The following PRMT8 variants were observed in gnomAD, a reference collection of about 807,000 sequenced individuals.
The protein encoded by PRMT8 is protein arginine N-methyltransferase 8.
In PRMT8, 7 loss-of-function variants were observed where a neutral mutation model predicts 47.1. The observed-to-expected ratio is 0.15, with a 90% CI of 0.08 to 0.28. PRMT8 has a LOEUF of 0.28. Ranked by LOEUF, PRMT8 falls within the 10% of genes least tolerant of loss-of-function variation. The probability of loss-of-function intolerance (pLI) is 1.00; values close to 1 mark genes in which losing one functional copy is unlikely to be tolerated. For missense variants in PRMT8, 237 were observed against 505.4 expected (o/e 0.47, Z 5.09); for synonymous variants, 188 against 186.5 (o/e 1.01, Z -0.07).
At chr12:3,517,319 T>G (rs931082177) in intron 1 of PRMT8, among the ~76,000 whole-genome samples, 17 of 152,154 alleles carry the variant, frequency 1.1e-4, no homozygotes, top group Admixed American at 1.3e-4. Flanking sequence ...CGTACAGAGA[T>G]CTCTGTGCCC....
Position 3,480,796 on chromosome 12 carries a change from C to G in PRMT8, c.49-59810C>G, listed in dbSNP as rs1865267099. On this transcript the variant is annotated intron_variant, in intron 1 of 9. Transcript: ENST00000452611. ...TTCCACCCCCAAAATCATGCTCACA[C>G]CAGCCTGTAACTGGTGCTTGACCTC... is the stretch of plus-strand genomic sequence containing the variant. Among the ~76,000 whole-genome samples the G allele has an allele frequency of 2.0e-5, 3 of 152,328 alleles. No individual in the cohort carries two copies. In the South Asian group the frequency reaches 6.2e-4, roughly 32 times the overall value.
At position 3,552,812 on chromosome 12, in the gene PRMT8, C is replaced by T. The variant is rs1471959537; in HGVS notation, c.418-839C>T. ...TCCCTGCCCGAGGCCTGGGGGTAGT[C>T]TGAGGGGCCCCCAAGTGTGGAGGTG... On this transcript the variant is annotated intron_variant, in intron 3 of 9. Coordinates refer to ENST00000382622, the MANE Select transcript of PRMT8 (RefSeq NM_019854.5). This position sits in a 1 kb window ranked among gnomAD's most constrained non-coding sequence, Gnocchi z 4.5. The T allele has an allele frequency of 1.1e-5, 5 of 460,696 alleles. No homozygotes were observed. Among genetic ancestry groups the T allele is most frequent in the Non-Finnish European group, 2.2e-5 (5 of 229,282 alleles). 28.5% of individuals were successfully genotyped at this position (460,696 alleles called of 1,614,324 possible).
chr12:3,559,282 A>G (rs1238516449), intron 4 of PRMT8, among the ~76,000 whole-genome samples: 1 of 152,050 alleles, frequency 6.6e-6, no homozygotes, highest in Non-Finnish European at 1.5e-5. Flanking sequence ...AAGACATTCC[A>G]GGCTTGTCTT....
chr12:3,471,280 C>G (rs112162015), intron 1 of PRMT8, among the ~76,000 whole-genome samples: 12,519 of 152,114 alleles, frequency 0.082, 566 homozygotes, highest in Non-Finnish European at 0.1. Flanking sequence ...GTGGCTTGCT[C>G]TGCTCCCAGC....
In PRMT8 at chr12:3,540,665, C is replaced by T. The variant is rs756751414; in HGVS notation, c.135C>T (p.Cys45=). 16 of 1,417,292 alleles carry T rather than the reference C, an allele frequency of 1.1e-5. No individual in the cohort carries two copies. Among genetic ancestry groups the T allele is most frequent in the South Asian group, 4.5e-5 (4 of 88,378 alleles). 87.8% of individuals were successfully genotyped at this position (1,417,292 alleles called of 1,614,324 possible). A position where few individuals can be genotyped will look rare whatever the true frequency, so the allele number is the denominator to read the frequency against. The change falls in exon 2 of 10, where the codon TGC becomes TGT. Residue 45 remains cysteine, a synonymous_variant. Transcript: ENST00000382622. ...TCGTCCCTGCTAAGCCCGTGCAATG[C>T]GTCCATCATGTGTCCACTCAACCCA... is the stretch of plus-strand genomic sequence containing the variant. The part of the protein sequence containing the change: ...QPVVPAKPVQ[C]VHHVSTQPSC...
At chr12:3,481,975 T>G (rs1022868659) in intron 1 of PRMT8, among the ~76,000 whole-genome samples, 1 of 152,114 alleles carries the variant, frequency 6.6e-6, no homozygotes, top group African/African-American at 2.4e-5. Context: ...TGCAAAAGGA[T>G]AGTGATGAGA....
chr12:3,477,965 C>T (rs1249248022), intron 1 of PRMT8, among the ~76,000 whole-genome samples: 3 of 152,120 alleles, frequency 2.0e-5, no homozygotes, highest in Admixed American at 1.3e-4. Flanking sequence ...ATCACAGTAG[C>T]TGGATGTAAC....
At position 3,550,847 on chromosome 12, in the gene PRMT8, G is replaced by C. The variant is rs1169097091; in HGVS notation, c.417+756G>C. The C allele has an allele frequency of 6.6e-6, 1 of 152,224 alleles. No homozygotes were observed. Among genetic ancestry groups the C allele is most frequent in the Non-Finnish European group, 1.5e-5 (1 of 68,046 alleles). The allele number at this position is 152,224 out of a possible 1,614,324, so 9.4% of individuals were successfully genotyped here. A position where few individuals can be genotyped will look rare whatever the true frequency, so the allele number is the denominator to read the frequency against. On this transcript the variant is annotated intron_variant, in intron 3 of 9. Transcript: ENST00000382622. This position sits in a 1 kb window ranked among gnomAD's most constrained non-coding sequence, Gnocchi z 5.1. ...GCCTGGGAAGGTCCAGAGCTGGAAAGAAACTAAAAAGAAGAGCTGCGAGAT... is the reference window on the plus strand; with the variant it reads ...GCCTGGGAAGGTCCAGAGCTGGAAACAAACTAAAAAGAAGAGCTGCGAGAT...
chr12:3,582,130 C>T (rs958446188), intron 7 of PRMT8, among the ~76,000 whole-genome samples: 3 of 152,180 alleles, frequency 2.0e-5, no homozygotes, highest in Admixed American at 6.5e-5. Context: ...CTTCCTTGGG[C>T]CTCACTAGAA....
chr12:3,464,766 A>G (rs1865075300), intron 1 of PRMT8, among the ~76,000 whole-genome samples: 1 of 152,180 alleles, frequency 6.6e-6, no homozygotes. Context: ...GTATCAACCA[A>G]TCAGAACTAA....
intron 1 of PRMT8, among the ~76,000 whole-genome samples, chr12:3,398,066 C>G (rs1304127790): frequency 1.3e-5 from 2 of 152,120 alleles, no homozygotes; most frequent in East Asian, 3.9e-4. Flanking sequence ...TGCTTCGGCT[C>G]GCGCACGGTG....
intron 1 of PRMT8, among the ~76,000 whole-genome samples, chr12:3,447,600 C>T (rs1281714223): frequency 6.6e-6 from 1 of 152,160 alleles, no homozygotes; most frequent in Non-Finnish European, 1.5e-5. Flanking sequence ...ATCTCTAACC[C>T]AAGCCCCTGC....
At chr12:3,397,494 C>T (rs532966236) in intron 1 of PRMT8, among the ~76,000 whole-genome samples, 6 of 150,694 alleles carry the variant, frequency 4.0e-5, no homozygotes, top group Non-Finnish European at 7.4e-5. Context: ...TCTGCCCCTG[C>T]TGGGGGGTGC....
rs1481112082 is a variant in PRMT8 at position 3,576,542 on chromosome 12, GGAAGGAAGAGT to G, written c.713-328_713-318del. Among the ~76,000 whole-genome samples, 193 of 152,254 alleles carry G rather than the reference GGAAGGAAGAGT, an allele frequency of 1.3e-3. 1 individual carries two copies. The highest frequency in any genetic ancestry group is 4.4e-3 in the African/African-American group (183 of 41,546). On this transcript the variant is annotated intron_variant, in intron 6 of 9. Transcript: ENST00000382622. This position sits in a 1 kb window ranked among gnomAD's most constrained non-coding sequence, Gnocchi z 4.0. ...ACGCTGCTGGCTTGGGGAGGGGACA[GGAAGGAAGAGT>G]CAGCTAGCCTGGGTTCTAGTCTTTG...
In PRMT8 at chr12:3,492,099, G is replaced by A. The variant is rs1452894999; in HGVS notation, c.75+399G>A. Reference sequence around the variant, plus strand: ...CCCGGCTTTGTGCAGAGCTGGGGTGGGTAATCCTGGGGCCAGGTCTGCCCC... The same window carrying A: ...CCCGGCTTTGTGCAGAGCTGGGGTGAGTAATCCTGGGGCCAGGTCTGCCCC... On this transcript the variant is annotated intron_variant, in intron 1 of 9. Transcript: ENST00000382622. The surrounding 1 kb of genome is among the most constrained non-coding windows in gnomAD (Gnocchi z 7.5). Among the ~76,000 whole-genome samples, 2 of 151,882 alleles carry A rather than the reference G, an allele frequency of 1.3e-5. No individual in the cohort carries two copies. Among genetic ancestry groups the A allele is most frequent in the African/African-American group, 4.8e-5 (2 of 41,342 alleles).
At chr12:3,383,772 G>GA (rs902680389) in intron 1 of PRMT8, among the ~76,000 whole-genome samples, 1 of 152,192 alleles carries the variant, frequency 6.6e-6, no homozygotes, top group African/African-American at 2.4e-5. Flanking sequence ...AATGGACTAA[G>GA]ACAAAGCCCT....
intron 1 of PRMT8, among the ~76,000 whole-genome samples, chr12:3,457,844 T>C (rs932501420): frequency 5.6e-5 from 2 of 35,876 alleles, no homozygotes; most frequent in African/African-American, 1.2e-4. Flanking sequence ...CCAGTTTGCT[T>C]TTTTTTTTTT....
At chr12:3,417,598 A>C (rs546686516) in intron 1 of PRMT8, among the ~76,000 whole-genome samples, 1 of 152,316 alleles carries the variant, frequency 6.6e-6, no homozygotes, top group South Asian at 2.1e-4. Flanking sequence ...TCACTGAAGC[A>C]GTGTAATATA....
In PRMT8 at chr12:3,491,695, A is replaced by G. The variant is rs1391354087; in HGVS notation, c.70A>G (p.Thr24Ala). ...AATGGCGGAGAACGCGGCCGAGAGC[A>G]CCGAGGTAAGGAGGCGAGCGAGCAG... ...RKMAENAAES[T>A]EVNSPPSQPP... Residue 24 changes from threonine (T) to alanine (A), a missense_variant, in exon 1 of 10, where the codon ACC becomes GCC. This residue lies in a region of PRMT8 where 11 missense variants were observed against 36.1 expected (regional missense o/e 0.31). Coordinates refer to ENST00000382622, the MANE Select transcript of PRMT8 (RefSeq NM_019854.5). 1 of 1,608,754 alleles carries G rather than the reference A, an allele frequency of 6.2e-7. No individual in the cohort carries two copies. The highest frequency in any genetic ancestry group is 8.5e-7 in the Non-Finnish European group (1 of 1,179,136).
Sources: gnomAD v4.1 joint callset for allele counts (sites outside exome capture counted in the v4.1 genomes callset) on GRCh38, gnomAD v4.1.1 for gene constraint, gnomAD v4.1.1 regional missense constraint, Gnocchi (gnomAD v3.1) non-coding constraint, MANE v1.5 for transcripts, NCBI Gene and HGNC (gene_info 2026-07-23, HGNC 2026-07-21) for gene names.